The following MTHFD1L variants were observed in gnomAD, a reference collection of about 807,000 sequenced individuals.
MTHFD1L encodes methylenetetrahydrofolate dehydrogenase (NADP+ dependent) 1 like.
A neutral mutation model predicts 119.5 loss-of-function variants in MTHFD1L; 81 were observed. The observed-to-expected ratio is 0.68, with a 90% CI of 0.57 to 0.82. MTHFD1L has a LOEUF of 0.82. Ranked by LOEUF, MTHFD1L falls within the 40% of genes least tolerant of loss-of-function variation. MTHFD1L has a pLI of 0.00. For missense variants in MTHFD1L, 1,125 were observed against 1,253.4 expected (o/e 0.90, Z 1.55); for synonymous variants, 430 against 475.2 (o/e 0.90, Z 1.24).
intron 1 of MTHFD1L, 118 bp from the exon 2 acceptor site, chr6:150,875,972 C>T: frequency 2.6e-6 from 2 of 784,078 alleles, no homozygotes; most frequent in Non-Finnish European, 2.2e-6. Flanking sequence ...TGGAGTGCGT[C>T]CTTCTGTGGT....
intron 20 of MTHFD1L, among the ~76,000 whole-genome samples, chr6:150,986,822 A>G (rs1037264863): frequency 9.9e-5 from 15 of 152,114 alleles, no homozygotes; most frequent in African/African-American, 3.6e-4. Context: ...CTCCTGTTTC[A>G]GCCTCCCAAG....
At chr6:150,975,721 C>A (rs1228428914) in intron 20 of MTHFD1L, among the ~76,000 whole-genome samples, 1 of 151,434 alleles carries the variant, frequency 6.6e-6, no homozygotes, top group Admixed American at 6.6e-5. Context: ...TTGGGCTCGC[C>A]CTGGCCCCTC....
intron 26 of MTHFD1L, among the ~76,000 whole-genome samples, chr6:151,062,428 C>T (rs958807221): frequency 6.6e-6 from 1 of 151,754 alleles, no homozygotes; most frequent in African/African-American, 2.4e-5. Context: ...ACAGAGACTC[C>T]ATCTCAAAAA....
chr6:150,984,553 C>G (rs558605812), intron 20 of MTHFD1L, among the ~76,000 whole-genome samples: 1 of 121,874 alleles, frequency 8.2e-6, no homozygotes, highest in Admixed American at 8.6e-5. Flanking sequence ...ATCCTAAACA[C>G]AGGAACCAAA....
chr6:151,036,893 TAA>T, intron 25 of MTHFD1L, 70 bp from the exon 26 acceptor site: 1 of 1,545,178 alleles, frequency 6.5e-7, no homozygotes, highest in Non-Finnish European at 8.9e-7. Flanking sequence ...CGAGACTGTA[TAA>T]AGTGCAAATT....
At position 151,079,372 on chromosome 6, in the gene MTHFD1L, A is replaced by G. The variant is rs1036647526; in HGVS notation, c.2848-13095A>G. The stretch of plus-strand genomic sequence containing the variant: ...CAAAAAGACACCACTGAGTGTTGAC[A>G]GTGGCTGCCTTTCAGGAGTGGGAAT... On this transcript the variant is annotated intron_variant, in intron 26 of 27. Transcript: ENST00000367321. Among the ~76,000 whole-genome samples, 5 of 152,160 alleles carry G rather than the reference A, an allele frequency of 3.3e-5. 1 individual carries two copies. The highest frequency in any genetic ancestry group is 3.3e-4 in the Admixed American group (5 of 15,288).
At chr6:150,895,591 A>G (rs1784077228) in intron 7 of MTHFD1L, among the ~76,000 whole-genome samples, 1 of 150,604 alleles carries the variant, frequency 6.6e-6, no homozygotes, top group South Asian at 2.1e-4. Flanking sequence ...TTGAAGGATC[A>G]AAGTGTCTAG....
rs1786832729 is a variant in MTHFD1L at position 151,039,957 on chromosome 6, C to T, written c.2847+2840C>T. 2.0e-5 allele frequency among the ~76,000 whole-genome samples: 3 copies of T among 152,086 alleles called. No homozygotes were observed. The highest frequency in any genetic ancestry group is 6.6e-5 in the Admixed American group (1 of 15,264). Reference sequence around the variant, plus strand: ...ACATACATACATACATGCATACATGCATACATGCATACATAGAATGGCCTC... The same window carrying T: ...ACATACATACATACATGCATACATGTATACATGCATACATAGAATGGCCTC... On this transcript the variant is annotated intron_variant, in intron 26 of 27. Coordinates refer to ENST00000367321, the MANE Select transcript of MTHFD1L (RefSeq NM_015440.5). The surrounding 1 kb of genome is among the most constrained non-coding windows in gnomAD (Gnocchi z 4.4).
intron 26 of MTHFD1L, among the ~76,000 whole-genome samples, chr6:151,058,385 G>C (rs941326944): frequency 1.3e-5 from 2 of 152,218 alleles, no homozygotes; most frequent in Non-Finnish European, 2.9e-5. Flanking sequence ...TCCTGGCAAA[G>C]GCTGCATTTC....
rs1043831602 is a variant in MTHFD1L, at chr6:151,012,019, C to CAA, written c.2266-1729_2266-1728dup. 5.3e-3 allele frequency among the ~76,000 whole-genome samples: 310 copies of CAA among 58,790 alleles called. 21 individuals carry two copies. The highest frequency in any genetic ancestry group is 7.2e-3 in the African/African-American group (125 of 17,356). 38.6% of individuals were successfully genotyped at this position (58,790 alleles called of 152,430 possible). On this transcript the variant is annotated intron_variant, in intron 21 of 27. Transcript: ENST00000367321. ...TCCATCTCAACAACAACAACAACAA[C>CAA]AAAAAAAAAAAAAAAAAAAAAAAAA...
intron 19 of MTHFD1L, 102 bp downstream of exon 19, chr6:150,965,139 G>GAAT: frequency 1.0e-6 from 1 of 960,316 alleles, no homozygotes. Flanking sequence ...CATGCCTGGG[G>GAAT]CAGCAGTGTG....
At chr6:150,938,007 T>TTTTTTGTTTTTG (rs963661820) in intron 12 of MTHFD1L, among the ~76,000 whole-genome samples, 1 of 151,920 alleles carries the variant, frequency 6.6e-6, no homozygotes, top group Non-Finnish European at 1.5e-5. Flanking sequence ...ATGCGGTGGT[T>TTTTTTGTTTTTG]TTTTTGTTTT....
At chr6:150,971,487 CTG>C (rs1243682992) in intron 19 of MTHFD1L, among the ~76,000 whole-genome samples, 24 of 152,330 alleles carry the variant, frequency 1.6e-4, no homozygotes, top group African/African-American at 5.3e-4. Flanking sequence ...GCGTGAGTCA[CTG>C]TGCCCAGCCA....
At position 150,908,247 on chromosome 6, in the gene MTHFD1L, T is replaced by C. The variant is rs571829325; in HGVS notation, c.892+2486T>C. ...TGAGTGTTTGACAAGTTAATAAGCA[T>C]GAATCAAAATTCTACTCTGCTTGTA... On this transcript the variant is annotated intron_variant, in intron 8 of 27. Transcript: ENST00000367321. 1.7e-3 allele frequency among the ~76,000 whole-genome samples: 264 copies of C among 151,948 alleles called. 2 individuals are homozygous for C. The highest frequency in any genetic ancestry group is 5.4e-3 in the African/African-American group (225 of 41,466).
chr6:151,013,067 C>G (rs973214848), intron 21 of MTHFD1L, among the ~76,000 whole-genome samples: 1 of 152,156 alleles, frequency 6.6e-6, no homozygotes, highest in Non-Finnish European at 1.5e-5. Context: ...CCCTATGGCC[C>G]CAGCAAAGTT....
At chr6:150,927,534 G>A (rs556665501) in intron 11 of MTHFD1L, among the ~76,000 whole-genome samples, 6 of 145,194 alleles carry the variant, frequency 4.1e-5, no homozygotes, top group African/African-American at 1.3e-4. Context: ...TCAGCTCACT[G>A]CAAACTCTGC....
chr6:150,981,234 C>T (rs1038931693), intron 20 of MTHFD1L, among the ~76,000 whole-genome samples: 2 of 152,186 alleles, frequency 1.3e-5, no homozygotes, highest in African/African-American at 2.4e-5. Flanking sequence ...TTGATTTTCA[C>T]ACGATTTTTG....
At chr6:150,932,271 C>T (rs1453997160) in intron 11 of MTHFD1L, among the ~76,000 whole-genome samples, 1 of 151,332 alleles carries the variant, frequency 6.6e-6, no homozygotes, top group East Asian at 1.9e-4. Context: ...GAGCATTGTC[C>T]TTTACCTCAA....
chr6:150,874,226 A>G (rs145413560), intron 1 of MTHFD1L, among the ~76,000 whole-genome samples: 50 of 152,348 alleles, frequency 3.3e-4, no homozygotes, highest in African/African-American at 1.1e-3. Context: ...CAATAATACA[A>G]TTAATTCCCT....
Sources: gnomAD v4.1 joint callset for allele counts (sites outside exome capture counted in the v4.1 genomes callset) on GRCh38, gnomAD v4.1.1 for gene constraint, Gnocchi (gnomAD v3.1) non-coding constraint, MANE v1.5 for transcripts, NCBI Gene and HGNC (gene_info 2026-07-23, HGNC 2026-07-21) for gene names.